The following EML6 variants were observed in gnomAD, a reference collection of about 807,000 sequenced individuals.
EML6 encodes the protein EMAP like 6.
A neutral mutation model predicts 240.1 loss-of-function variants in EML6; 154 were observed. The ratio of observed to expected loss-of-function variants is 0.64; its 90% CI spans 0.56 to 0.73. The LOEUF (loss-of-function observed/expected upper bound fraction) is 0.73. EML6 is among the 30% of genes least tolerant of loss of function. The pLI is 0.00. For synonymous variants in EML6, 1,148 were observed against 899.0 expected (o/e 1.28, Z -4.95); for missense variants, 2,964 against 2,474.6 (o/e 1.20, Z -4.20).
At chr2:54,808,766 A>T (rs922746075) in intron 2 of EML6, among the ~76,000 whole-genome samples, 1 of 151,996 alleles carries the variant, frequency 6.6e-6, no homozygotes, top group Admixed American at 6.6e-5. Context: ...GACCCTTTTG[A>T]TTCTCATCTT....
chr2:54,838,185 A>C (rs993360455), intron 7 of EML6, among the ~76,000 whole-genome samples: 10 of 152,252 alleles, frequency 6.6e-5, no homozygotes, highest in African/African-American at 2.4e-4. Context: ...AGTTCCTGGC[A>C]CTGCCACCTT....
At chr2:54,789,910 T>A (rs1378003569) in intron 2 of EML6, among the ~76,000 whole-genome samples, 1 of 152,202 alleles carries the variant, frequency 6.6e-6, no homozygotes, top group Non-Finnish European at 1.5e-5. Flanking sequence ...AAATACTGAT[T>A]GACTTCTCTG....
At chr2:54,726,329 C>G (rs1682905301) in intron 2 of EML6, among the ~76,000 whole-genome samples, 1 of 152,190 alleles carries the variant, frequency 6.6e-6, no homozygotes, top group East Asian at 1.9e-4. Flanking sequence ...GTTTGTCTTT[C>G]ACAATGAAAT....
intron 2 of EML6, among the ~76,000 whole-genome samples, chr2:54,793,470 T>C (rs1284158228): frequency 6.7e-6 from 1 of 150,344 alleles, no homozygotes; most frequent in African/African-American, 2.5e-5. Context: ...CAAGCATATC[T>C]TTGTATATTT....
Position 54,954,153 on chromosome 2 carries a change from G to T in EML6, c.4483G>T (p.Glu1495Ter). The T allele has an allele frequency of 6.4e-7, 1 of 1,550,754 alleles. No homozygotes were observed. The highest frequency in any genetic ancestry group is 8.7e-7 in the Non-Finnish European group (1 of 1,146,578). Reference protein sequence around the residue: ...EHTITVWRWQEGAKVASRGGH... With the variant: ...EHTITVWRWQ ...CACCATCACTGTCTGGCGATGGCAGGAAGGTAAACCAGCACTGGGCTTTCT... is the reference window on the plus strand; with the variant it reads ...CACCATCACTGTCTGGCGATGGCAGTAAGGTAAACCAGCACTGGGCTTTCT... Residue 1495 changes from glutamate (E) to a stop codon, truncating the protein, a stop_gained, in exon 32 of 42, where the codon GAA becomes TAA. Transcript: ENST00000356458. LOFTEE classifies it high-confidence loss of function.
chr2:54,757,701 C>T (rs1667800484), intron 2 of EML6, among the ~76,000 whole-genome samples: 1 of 152,056 alleles, frequency 6.6e-6, no homozygotes, highest in South Asian at 2.1e-4. Context: ...CTTTCACCCC[C>T]TCCCTCCACT....
rs1296448881 is a variant in EML6 at position 54,951,715 on chromosome 2, AC to A, written c.4214-878del. ...CTCATGCCTCAAGAAAAAAAAAAAA[AC>A]ACCTTTCATTTTAAATTTTTGTTCT... On this transcript the variant is annotated intron_variant, in intron 30 of 41. Coordinates refer to ENST00000356458, the MANE Select transcript of EML6 (RefSeq NM_001039753.4). Among the ~76,000 whole-genome samples the A allele has an allele frequency of 4.3e-3, 618 of 143,002 alleles. 2 individuals carry two copies. The highest frequency in any genetic ancestry group is 0.029 in the Middle Eastern group (8 of 280). 93.8% of individuals were successfully genotyped at this position (143,002 alleles called of 152,430 possible).
intron 6 of EML6, among the ~76,000 whole-genome samples, chr2:54,828,349 C>G (rs1044502450): frequency 2.1e-4 from 32 of 152,186 alleles, no homozygotes; most frequent in African/African-American, 3.1e-4. Context: ...CCACTCTGCT[C>G]TCTTTTTTGA....
intron 5 of EML6, among the ~76,000 whole-genome samples, chr2:54,823,878 T>TCTCTCTCTCTCTCTC (rs60937620): frequency 0.051 from 6,582 of 128,960 alleles, 698 homozygotes; most frequent in Non-Finnish European, 0.06. Flanking sequence ...CTCTCTCTCT[T>TCTCTCTCTCTCTCTC]TCTGTCTCTC....
chr2:54,967,524 C>A (rs1020778337), intron 39 of EML6, among the ~76,000 whole-genome samples: 1 of 152,122 alleles, frequency 6.6e-6, no homozygotes, highest in Non-Finnish European at 1.5e-5. Flanking sequence ...TTGAAAGGAA[C>A]CCCTGCTGTT....
intron 25 of EML6, among the ~76,000 whole-genome samples, chr2:54,911,554 C>G (rs1673639517): frequency 6.6e-6 from 1 of 152,076 alleles, no homozygotes; most frequent in Admixed American, 6.5e-5. Flanking sequence ...CACAGCCTCC[C>G]TAATAGCTGG....
At chr2:54,924,070 C>T (rs1433498414) in intron 26 of EML6, among the ~76,000 whole-genome samples, 2 of 152,116 alleles carry the variant, frequency 1.3e-5, no homozygotes, top group Non-Finnish European at 2.9e-5. Context: ...AGTAAAGCTG[C>T]TATGAACATT....
At chr2:54,741,385 GC>G (rs773106399) in intron 2 of EML6, among the ~76,000 whole-genome samples, 21 of 152,036 alleles carry the variant, frequency 1.4e-4, no homozygotes, top group Non-Finnish European at 2.1e-4. Context: ...TAGGTGTGAG[GC>G]CCCAAAATCT....
At chr2:54,733,360 A>T (rs1683253459) in intron 2 of EML6, among the ~76,000 whole-genome samples, 1 of 152,246 alleles carries the variant, frequency 6.6e-6, no homozygotes, top group Non-Finnish European at 1.5e-5. Context: ...CAAGACTCAC[A>T]AATGACAAGA....
chr2:54,789,532 A>AAAAAAAAAG (rs1669303516), intron 2 of EML6, among the ~76,000 whole-genome samples: 5 of 143,342 alleles, frequency 3.5e-5, no homozygotes, highest in South Asian at 2.2e-4. Context: ...AAAAAAAAAA[A>AAAAAAAAAG]AAAAAAAAAA....
chr2:54,949,023 C>G, intron 29 of EML6, 63 bp downstream of exon 29: 1 of 1,200,366 alleles, frequency 8.3e-7, no homozygotes, highest in Non-Finnish European at 1.2e-6. Context: ...GTAGACATCC[C>G]CATCTGCACG....
rs552555889 is a variant in EML6 at position 54,948,587 on chromosome 2, A to T, written c.4005-295A>T. Among the ~76,000 whole-genome samples the T allele has an allele frequency of 2.6e-5, 4 of 152,274 alleles. No homozygotes were observed. In the East Asian group the frequency reaches 7.7e-4, roughly 29 times the overall value. The stretch of plus-strand genomic sequence containing the variant: ...CAAGCCCCTCTTGTTTCAAGCCCAC[A>T]TGTTCTTCCTGCTCCCCCTGCTCCC... On this transcript the variant is annotated intron_variant, in intron 28 of 41. Coordinates refer to ENST00000356458, the MANE Select transcript of EML6 (RefSeq NM_001039753.4).
intron 24 of EML6, among the ~76,000 whole-genome samples, chr2:54,905,134 C>T (rs1344971553): frequency 6.6e-6 from 1 of 152,028 alleles, no homozygotes; most frequent in Non-Finnish European, 1.5e-5. Context: ...CTTTGACCGG[C>T]ATTTATGACC....
intron 26 of EML6, among the ~76,000 whole-genome samples, chr2:54,918,245 C>A (rs1035609207): frequency 6.6e-6 from 1 of 152,062 alleles, no homozygotes; most frequent in African/African-American, 2.4e-5. Context: ...TTTCACAATC[C>A]CGAGTTCTAA....
Sources: gnomAD v4.1 joint callset for allele counts (sites outside exome capture counted in the v4.1 genomes callset) on GRCh38, gnomAD v4.1.1 for gene constraint, MANE v1.5 for transcripts, NCBI Gene and HGNC (gene_info 2026-07-23, HGNC 2026-07-21) for gene names.